HUNK: variants seen among roughly 807,000 people sequenced by gnomAD.
The protein encoded by HUNK is hormonally up-regulated neu tumor-associated kinase.
In HUNK, 21 loss-of-function variants were observed where a neutral mutation model predicts 61.0. The ratio of observed to expected loss-of-function variants is 0.34; its 90% CI spans 0.24 to 0.50. HUNK has a LOEUF of 0.50. HUNK is among the 20% of genes least tolerant of loss of function. The probability of loss-of-function intolerance (pLI) is 0.98; values close to 1 mark genes in which losing one functional copy is unlikely to be tolerated. For missense variants in HUNK, 772 were observed against 945.7 expected, an observed-to-expected ratio of 0.82 and a Z score of 2.41; for synonymous variants, 371 against 386.1, an observed-to-expected ratio of 0.96 and a Z score of 0.46.
intron 4 of HUNK, among the ~76,000 whole-genome samples, chr21:31,947,003 A>G (rs1002305603): frequency 3.1e-4 from 44 of 144,230 alleles, no homozygotes; most frequent in Admixed American, 1.1e-3. Flanking sequence ...TGGCACCTGC[A>G]CATTCCCACA....
chr21:31,969,597 T>C (rs2052996213), intron 6 of HUNK, among the ~76,000 whole-genome samples: 2 of 151,378 alleles, frequency 1.3e-5, no homozygotes, highest in South Asian at 4.2e-4. Context: ...GACAAAACCT[T>C]ACTCTGTCAC....
chr21:31,955,089 A>G (rs1184171277), intron 4 of HUNK, among the ~76,000 whole-genome samples: 1 of 152,046 alleles, frequency 6.6e-6, no homozygotes. Flanking sequence ...GCCTGGCTGA[A>G]TGTGCATTTT....
At chr21:31,923,801 A>C (rs11910494) in intron 1 of HUNK, among the ~76,000 whole-genome samples, 1 of 151,850 alleles carries the variant, frequency 6.6e-6, no homozygotes, top group African/African-American at 2.4e-5. Context: ...GAGCTTCCTG[A>C]GGGTAGTAGA....
chr21:31,874,383 A>G (rs929536317), intron 1 of HUNK, among the ~76,000 whole-genome samples: 1 of 151,332 alleles, frequency 6.6e-6, no homozygotes, highest in Non-Finnish European at 1.5e-5. Context: ...GGGAGCTTAG[A>G]GTCTGATCCC....
intron 1 of HUNK, among the ~76,000 whole-genome samples, chr21:31,898,594 G>A (rs543718900): frequency 3.3e-5 from 5 of 152,116 alleles, no homozygotes; most frequent in African/African-American, 4.8e-5. Flanking sequence ...GCAAAAATAG[G>A]TGGACTGAAT....
intron 4 of HUNK, among the ~76,000 whole-genome samples, chr21:31,957,690 C>G (rs2052898936): frequency 6.6e-6 from 1 of 152,138 alleles, no homozygotes; most frequent in Non-Finnish European, 1.5e-5. Context: ...AATAAAGATC[C>G]TCTAAGAAGA....
intron 1 of HUNK, among the ~76,000 whole-genome samples, chr21:31,922,800 C>A (rs1215705684): frequency 6.6e-6 from 1 of 152,166 alleles, no homozygotes; most frequent in Non-Finnish European, 1.5e-5. Flanking sequence ...TTATTTATTT[C>A]TGTACTTGTA....
chr21:31,896,853 G>GTA (rs1218607793), intron 1 of HUNK, among the ~76,000 whole-genome samples: 5 of 152,172 alleles, frequency 3.3e-5, no homozygotes, highest in Non-Finnish European at 7.3e-5. Context: ...CACTCTTTAG[G>GTA]AACACTCTTA....
In HUNK at chr21:31,873,590, G is replaced by A; in HGVS notation, c.-85G>A. On this transcript the variant is annotated 5_prime_UTR_variant, in exon 1 of 11. Transcript: ENST00000270112. This position sits in a 1 kb window ranked among gnomAD's most constrained non-coding sequence, Gnocchi z 6.1. ...GGCTGGGCCCAGGGCGGCGGCGGGA[G>A]AAGCCGGGGAAGCCGAAGAGCCTGG... 1.0e-6 allele frequency: 1 copy of A among 962,158 alleles called. No individual in the cohort carries two copies. Among genetic ancestry groups the A allele is most frequent in the Non-Finnish European group, 1.2e-6 (1 of 808,360 alleles). 59.6% of individuals were successfully genotyped at this position (962,158 alleles called of 1,614,324 possible). A position where few individuals can be genotyped will look rare whatever the true frequency, so the allele number is the denominator to read the frequency against.
In HUNK at chr21:31,924,176, C is replaced by A. The variant is rs1601380896; in HGVS notation, c.262-292C>A. ...ATTTGACATTAATCCTGCACTGTGC[C>A]TTCCAGACAGCCATTCAGGTTTTCT... is the stretch of plus-strand genomic sequence containing the variant. On this transcript the variant is annotated intron_variant, in intron 1 of 10. Transcript: ENST00000270112. The surrounding 1 kb of genome is among the most constrained non-coding windows in gnomAD (Gnocchi z 5.1). Among the ~76,000 whole-genome samples the A allele has an allele frequency of 1.3e-5, 2 of 152,212 alleles. No homozygotes were observed. The highest frequency in any genetic ancestry group is 3.9e-4 in the East Asian group (2 of 5,176).
intron 4 of HUNK, among the ~76,000 whole-genome samples, chr21:31,953,111 C>T (rs1318584934): frequency 2.0e-5 from 3 of 152,160 alleles, no homozygotes; most frequent in African/African-American, 7.2e-5. Context: ...GTCAGATGGA[C>T]TAGGTTTCTC....
At chr21:31,936,087 G>T (rs550858963) in intron 2 of HUNK, among the ~76,000 whole-genome samples, 91 of 152,250 alleles carry the variant, frequency 6.0e-4, no homozygotes, top group South Asian at 1.5e-3. Flanking sequence ...GTGAGCCACC[G>T]CGCCCAACCT....
intron 8 of HUNK, among the ~76,000 whole-genome samples, chr21:31,987,626 T>A (rs541390231): frequency 6.6e-6 from 1 of 152,246 alleles, no homozygotes; most frequent in African/African-American, 2.4e-5. Flanking sequence ...ATGGTTAGGA[T>A]TTAAATAGGA....
At chr21:31,888,183 T>C (rs2052361094) in intron 1 of HUNK, among the ~76,000 whole-genome samples, 2 of 152,132 alleles carry the variant, frequency 1.3e-5, no homozygotes, top group African/African-American at 4.8e-5. Flanking sequence ...CAAAACCACA[T>C]TCACCCAGGA....
chr21:31,923,523 G>GAGGGAGGAAGGAAGGAAGGAAAGAAGGA (rs2052637324), intron 1 of HUNK, among the ~76,000 whole-genome samples: 1 of 137,218 alleles, frequency 7.3e-6, no homozygotes, highest in Non-Finnish European at 1.6e-5. Flanking sequence ...GGGAAGGAGG[G>GAGGGAGGAAGGAAGGAAGGAAAGAAGGA]AGGAAGGGAG....
chr21:31,887,044 T>G (rs2052351839), intron 1 of HUNK, among the ~76,000 whole-genome samples: 1 of 152,236 alleles, frequency 6.6e-6, no homozygotes, highest in African/African-American at 2.4e-5. Context: ...CTGCAAGCGC[T>G]GTATGTTTCT....
At chr21:31,953,297 C>T (rs986972685) in intron 4 of HUNK, among the ~76,000 whole-genome samples, 1 of 150,890 alleles carries the variant, frequency 6.6e-6, no homozygotes, top group Non-Finnish European at 1.5e-5. Context: ...GGCAATGGCG[C>T]AATCTCTGCT....
intron 1 of HUNK, among the ~76,000 whole-genome samples, chr21:31,897,974 G>A (rs1432395016): frequency 6.6e-6 from 1 of 152,228 alleles, no homozygotes; most frequent in South Asian, 2.1e-4. Context: ...TTCATTGGCA[G>A]TTCTCTTGGA....
At chr21:31,991,783 C>T (rs1000872254) in intron 9 of HUNK, among the ~76,000 whole-genome samples, 2 of 152,220 alleles carry the variant, frequency 1.3e-5, no homozygotes, top group South Asian at 4.1e-4. Context: ...CTTACCTCAG[C>T]TCCCAGGGCT....
Sources: gnomAD v4.1 joint callset for allele counts (sites outside exome capture counted in the v4.1 genomes callset) on GRCh38, gnomAD v4.1.1 for gene constraint, Gnocchi (gnomAD v3.1) non-coding constraint, MANE v1.5 for transcripts, NCBI Gene and HGNC (gene_info 2026-07-23, HGNC 2026-07-21) for gene names.